Variants in MAGI1 observed in about 807,000 individuals in gnomAD.
MAGI1 encodes membrane associated guanylate kinase, WW and PDZ domain containing 1.
In MAGI1, 58 loss-of-function variants were observed where a neutral mutation model predicts 139.9. That is an observed-to-expected ratio of 0.41 (90% CI 0.34 to 0.52). MAGI1 has a LOEUF of 0.52. MAGI1 is among the 20% of genes least tolerant of loss of function. The pLI, the probability that MAGI1 is intolerant of heterozygous loss-of-function variation, is 0.12. For synonymous variants in MAGI1, 812 were observed against 737.9 expected, an observed-to-expected ratio of 1.10 and a Z score of -1.63; for missense variants, 1,874 against 1,901.6, an observed-to-expected ratio of 0.99 and a Z score of 0.27.
chr3:65,804,813 C>T (rs2040743921), intron 1 of MAGI1, among the ~76,000 whole-genome samples: 1 of 152,094 alleles, frequency 6.6e-6, no homozygotes, highest in African/African-American at 2.4e-5. Flanking sequence ...CTTTGACAAA[C>T]CGGACAAAAA....
intron 12 of MAGI1, among the ~76,000 whole-genome samples, chr3:65,420,947 T>C (rs1292885572): frequency 6.6e-6 from 1 of 152,172 alleles, no homozygotes; most frequent in Non-Finnish European, 1.5e-5. Context: ...AATCATCCAA[T>C]AAAGTCTGAG....
chr3:65,854,705 G>C (rs1389364268), intron 1 of MAGI1, among the ~76,000 whole-genome samples: 4 of 152,236 alleles, frequency 2.6e-5, no homozygotes, highest in Non-Finnish European at 4.4e-5. Flanking sequence ...TAAAAACACA[G>C]CTAGTCTCTG....
At chr3:65,527,151 C>A (rs1212472336) in intron 2 of MAGI1, among the ~76,000 whole-genome samples, 1 of 152,198 alleles carries the variant, frequency 6.6e-6, no homozygotes, top group Non-Finnish European at 1.5e-5. Context: ...AGCAACAGCT[C>A]CTTTGTCACA....
intron 6 of MAGI1, 169 bp from the exon 7 acceptor site, chr3:65,448,226 C>A (rs1948794604): frequency 1.5e-6 from 1 of 649,276 alleles, no homozygotes; most frequent in African/African-American, 1.8e-5. Context: ...AAACTTGCGA[C>A]CTCAGTGTAA....
chr3:65,894,810 A>G (rs1006889440), intron 1 of MAGI1, among the ~76,000 whole-genome samples: 11 of 152,236 alleles, frequency 7.2e-5, no homozygotes, highest in African/African-American at 9.6e-5. Flanking sequence ...GAAAAGGCCA[A>G]TCCCAGCTAT....
At chr3:65,664,619 T>C (rs1227546486) in intron 1 of MAGI1, among the ~76,000 whole-genome samples, 2 of 152,194 alleles carry the variant, frequency 1.3e-5, no homozygotes, top group Admixed American at 6.5e-5. Context: ...TATTTGCATA[T>C]TTGCCTACTC....
chr3:65,374,164 T>C (rs1379559145), intron 18 of MAGI1, among the ~76,000 whole-genome samples: 1 of 152,120 alleles, frequency 6.6e-6, no homozygotes, highest in African/African-American at 2.4e-5. Context: ...TTTTATAACA[T>C]GTATAGCAAG....
At chr3:65,920,781 A>G (rs2062138911) in intron 1 of MAGI1, among the ~76,000 whole-genome samples, 1 of 152,232 alleles carries the variant, frequency 6.6e-6, no homozygotes, top group Non-Finnish European at 1.5e-5. Context: ...CTGTAATCCC[A>G]GCACTTTGGG....
chr3:65,845,737 C>A (rs897862606), intron 1 of MAGI1, among the ~76,000 whole-genome samples: 3 of 152,208 alleles, frequency 2.0e-5, no homozygotes, highest in Non-Finnish European at 2.9e-5. Flanking sequence ...AGCTCTTCCT[C>A]CCCATCTGTT....
At chr3:65,652,808 TG>T (rs1172488959) in intron 1 of MAGI1, among the ~76,000 whole-genome samples, 6 of 152,156 alleles carry the variant, frequency 3.9e-5, no homozygotes, top group Non-Finnish European at 1.5e-5. Context: ...AACTGGCCAC[TG>T]GTTTTCAAGA....
chr3:65,785,630 G>A (rs1437614315), intron 1 of MAGI1, among the ~76,000 whole-genome samples: 1 of 152,050 alleles, frequency 6.6e-6, no homozygotes, highest in Admixed American at 6.6e-5. Flanking sequence ...GTGGTCTCTG[G>A]TTCTCTGTTC....
intron 1 of MAGI1, among the ~76,000 whole-genome samples, chr3:65,749,876 T>C (rs1331572386): frequency 1.3e-5 from 2 of 152,128 alleles, no homozygotes; most frequent in African/African-American, 4.8e-5. Flanking sequence ...AGAGGTTTTG[T>C]TTGGCCTTCC....
chr3:65,460,856 T>C (rs553673789), intron 5 of MAGI1, among the ~76,000 whole-genome samples: 8 of 152,160 alleles, frequency 5.3e-5, no homozygotes, highest in African/African-American at 1.9e-4. Flanking sequence ...GCTTCATCCA[T>C]GTCCCTGCAA....
chr3:65,354,734 T>C lies in MAGI1; in HGVS notation c.*1644A>G, dbSNP rs1940126235. The C allele has an allele frequency of 6.6e-6, 1 of 152,662 alleles. No individual in the cohort carries two copies. The highest frequency in any genetic ancestry group is 1.5e-5 in the Non-Finnish European group (1 of 68,044). The allele number at this position is 152,662 out of a possible 1,614,324, so 9.5% of individuals were successfully genotyped here. A position where few individuals can be genotyped will look rare whatever the true frequency, so the allele number is the denominator to read the frequency against. On this transcript the variant is annotated 3_prime_UTR_variant, in exon 23 of 23. Transcript: ENST00000402939. Reference sequence around the variant, plus strand: ...TCAATTTGTTCCATATTCAGAAATATAAACACGTATCACATTCCTCACAGC... The same window carrying C: ...TCAATTTGTTCCATATTCAGAAATACAAACACGTATCACATTCCTCACAGC...
At position 65,355,908 on chromosome 3, in the gene MAGI1, T is replaced by C. The variant is rs1205232603; in HGVS notation, c.*470A>G. ...TTTTACAAATAAAACTTTGCATTTT[T>C]GCTCTTTGCTTTTAAGAAAAACTTC... is the stretch of plus-strand genomic sequence containing the variant. On this transcript the variant is annotated 3_prime_UTR_variant, in exon 23 of 23. Coordinates refer to ENST00000402939, the MANE Select transcript of MAGI1 (RefSeq NM_001033057.2). The C allele has an allele frequency of 6.5e-6, 1 of 153,014 alleles. No homozygotes were observed. The highest frequency in any genetic ancestry group is 1.5e-5 in the Non-Finnish European group (1 of 68,312). 9.5% of individuals were successfully genotyped at this position (153,014 alleles called of 1,614,324 possible).
chr3:66,024,881 G>A (rs1354134987), intron 1 of MAGI1, among the ~76,000 whole-genome samples: 1 of 152,102 alleles, frequency 6.6e-6, no homozygotes, highest in Non-Finnish European at 1.5e-5. Flanking sequence ...AATTCCAGTA[G>A]AAGGTATTAT....
chr3:65,859,294 C>T (rs565991237), intron 1 of MAGI1, among the ~76,000 whole-genome samples: 1 of 144,106 alleles, frequency 6.9e-6, no homozygotes, highest in East Asian at 2.0e-4. Context: ...ACTCCGTCTA[C>T]AAAAAAAAAA....
At chr3:65,437,424 T>G (rs564424316) in intron 9 of MAGI1, among the ~76,000 whole-genome samples, 177 bp from the exon 10 acceptor site, 1 of 150,752 alleles carries the variant, frequency 6.6e-6, no homozygotes, top group African/African-American at 2.4e-5. Context: ...TTTTTTCTTG[T>G]CTAAGACGTT....
intron 2 of MAGI1, among the ~76,000 whole-genome samples, chr3:65,583,568 T>A (rs986026930): frequency 2.0e-5 from 3 of 151,976 alleles, no homozygotes; most frequent in African/African-American, 4.8e-5. Context: ...GTTTTTTTTT[T>A]AAACAGCTCT....
Sources: allele counts gnomAD v4.1 joint callset (sites outside exome capture counted in the v4.1 genomes callset), GRCh38; gene constraint gnomAD v4.1.1; transcripts MANE v1.5; gene names NCBI Gene and HGNC (gene_info 2026-07-23, HGNC 2026-07-21).